Variants in TTLL4 observed in about 807,000 individuals in gnomAD.
TTLL4 encodes the protein tubulin monoglutamylase TTLL4.
Under a neutral mutation model 122.7 loss-of-function variants are expected in TTLL4, and 85 were observed. The ratio of observed to expected loss-of-function variants is 0.69; its 90% CI spans 0.58 to 0.83. The LOEUF (loss-of-function observed/expected upper bound fraction) is 0.83. TTLL4 is among the 40% of genes least tolerant of loss of function. The pLI is 0.00. For synonymous variants in TTLL4, 553 were observed against 563.0 expected, an observed-to-expected ratio of 0.98 and a Z score of 0.25; for missense variants, 1,363 against 1,488.6, an observed-to-expected ratio of 0.92 and a Z score of 1.39.
chr2:218,730,632 A>G (rs1366619402), intron 2 of TTLL4, among the ~76,000 whole-genome samples: 3 of 152,230 alleles, frequency 2.0e-5, no homozygotes, highest in Non-Finnish European at 2.9e-5. Context: ...TGTTAGCTGT[A>G]TCTATGGTCT....
intron 2 of TTLL4, among the ~76,000 whole-genome samples, chr2:218,729,273 T>C (rs1242818693): frequency 2.0e-5 from 3 of 152,106 alleles, no homozygotes; most frequent in Non-Finnish European, 4.4e-5. Context: ...ACTTTAGAAA[T>C]TGTGAGTTGG....
At chr2:218,756,130 G>T (rs1943146939), downstream of TTLL4, among the ~76,000 whole-genome samples, 1 of 152,198 alleles carries the variant, frequency 6.6e-6, no homozygotes, top group African/African-American at 2.4e-5. Flanking sequence ...CTTCCTAAGA[G>T]AAAATGAGCT....
chr2:218,747,700 G>A lies in TTLL4; in HGVS notation c.2353G>A (p.Gly785Arg). ...DPLRIYLFSD[G>R]LVRFASCKYS... ...TCTGCGGATTTACCTCTTTTCAGATGGACTGGTCCGCTTTGCCAGTTGCAA... is the reference window on the plus strand; with the variant it reads ...TCTGCGGATTTACCTCTTTTCAGATAGACTGGTCCGCTTTGCCAGTTGCAA... Residue 785 changes from glycine to arginine, a missense_variant, in exon 11 of 20, where the codon GGA becomes AGA. This residue lies in a region of TTLL4 where 596 missense variants were observed against 655.8 expected (regional missense o/e 0.91). Coordinates refer to ENST00000392102, the MANE Select transcript of TTLL4 (RefSeq NM_014640.5). The surrounding 1 kb of genome is among the most constrained non-coding windows in gnomAD (Gnocchi z 4.7). The A allele has an allele frequency of 1.7e-5, 27 of 1,614,178 alleles. No individual in the cohort carries two copies. The highest frequency in any genetic ancestry group is 2.3e-5 in the Non-Finnish European group (27 of 1,180,046).
Position 218,738,647 on chromosome 2 carries a change from G to T in TTLL4, c.971G>T (p.Ser324Ile). 2 of 1,614,216 alleles carry T rather than the reference G, an allele frequency of 1.2e-6. No homozygotes were observed. Among genetic ancestry groups the T allele is most frequent in the African/African-American group, 1.3e-5 (1 of 75,044 alleles). The change falls in exon 3 of 20, where the codon AGC becomes ATC. Residue 324 changes from serine to isoleucine, a missense_variant. By Grantham distance (142) the Ser-to-Ile change is moderately radical (BLOSUM62 -2). This residue lies in a region of TTLL4 where 760 missense variants were observed against 808.4 expected (regional missense o/e 0.94). Coordinates refer to ENST00000392102, the MANE Select transcript of TTLL4 (RefSeq NM_014640.5). The stretch of plus-strand genomic sequence containing the variant: ...CCACTTTCCTGTGCTCTGGATGACA[G>T]CTCTGATTCCCAGGATCCAACTAAG... ...AEPLSCALDD[S>I]SDSQDPTKEI...
intron 2 of TTLL4, among the ~76,000 whole-genome samples, chr2:218,730,823 T>G (rs1488336678): frequency 6.7e-6 from 1 of 150,354 alleles, no homozygotes; most frequent in Non-Finnish European, 1.5e-5. Context: ...TGCACCACCA[T>G]GCCGGGTGTG....
intron 8 of TTLL4, chr2:218,746,592 G>A (rs1942849554): frequency 5.4e-6 from 2 of 369,852 alleles, no homozygotes; most frequent in Non-Finnish European, 1.0e-5. Context: ...TGTTTATTAT[G>A]TTTCCCTATG....
chr2:218,755,597 G>A (rs1943136271), downstream of TTLL4, among the ~76,000 whole-genome samples: 1 of 152,138 alleles, frequency 6.6e-6, no homozygotes, highest in Non-Finnish European at 1.5e-5. Context: ...GCACTTAGTG[G>A]TTGCTGCTTG....
rs930251823 is a variant in TTLL4, at chr2:218,742,856, C to T, written c.1662-2253C>T. Among the ~76,000 whole-genome samples the T allele has an allele frequency of 4.6e-5, 7 of 152,142 alleles. No individual in the cohort carries two copies. The East Asian group carries it at 9.6e-4, about 21-fold the overall frequency. ...TAGAACATCTTGCCGGGTGCAGTAGCTCACGCCTGTAACCCCAGCACTTTG... is the reference window on the plus strand; with the variant it reads ...TAGAACATCTTGCCGGGTGCAGTAGTTCACGCCTGTAACCCCAGCACTTTG... On this transcript the variant is annotated intron_variant, in intron 5 of 19. Transcript: ENST00000392102.
Position 218,748,236 on chromosome 2 carries a change from G to T in TTLL4, c.2501+9G>T. The T allele has an allele frequency of 6.2e-7, 1 of 1,613,974 alleles. No individual in the cohort carries two copies. The highest frequency in any genetic ancestry group is 8.5e-7 in the Non-Finnish European group (1 of 1,179,966). ...TGCCAGGGCCACAAATGGTACTGAG[G>T]GCAGAGTGTCCCAGTCCAGTGAAGG... is the stretch of plus-strand genomic sequence containing the variant. On this transcript the variant is annotated intron_variant, in intron 12 of 19. Transcript: ENST00000392102.
At chr2:218,718,482 G>A (rs769800516) in intron 1 of TTLL4, among the ~76,000 whole-genome samples, 4 of 151,698 alleles carry the variant, frequency 2.6e-5, no homozygotes, top group Non-Finnish European at 5.9e-5. Flanking sequence ...AGGTTCAAGC[G>A]ATTCTCCTGC....
At chr2:218,746,779 A>G in intron 8 of TTLL4, 4 of 565,862 alleles carry the variant, frequency 7.1e-6, no homozygotes, top group Non-Finnish European at 1.2e-5. Flanking sequence ...ACTTAAGGTG[A>G]ATATCACATC....
Position 218,747,981 on chromosome 2 carries a change from C to T in TTLL4, c.2379-124C>T, listed in dbSNP as rs1575181189. 4.4e-6 allele frequency: 6 copies of T among 1,362,498 alleles called. No individual in the cohort carries two copies. The East Asian group carries it at 1.4e-4, about 31-fold the overall frequency. 84.4% of individuals were successfully genotyped at this position (1,362,498 alleles called of 1,614,324 possible). A position where few individuals can be genotyped will look rare whatever the true frequency, so the allele number is the denominator to read the frequency against. Reference sequence around the variant, plus strand: ...TGCCAGTAGACACACTTCTCAGGCTCTTGTGGCTATGAAAAGATCTGTGTA... The same window carrying T: ...TGCCAGTAGACACACTTCTCAGGCTTTTGTGGCTATGAAAAGATCTGTGTA... On this transcript the variant is annotated intron_variant, in intron 11 of 19. Coordinates refer to ENST00000392102, the MANE Select transcript of TTLL4 (RefSeq NM_014640.5). This position sits in a 1 kb window ranked among gnomAD's most constrained non-coding sequence, Gnocchi z 4.7.
intron 1 of TTLL4, among the ~76,000 whole-genome samples, chr2:218,724,931 A>T (rs1326339361): frequency 1.3e-5 from 2 of 151,836 alleles, no homozygotes; most frequent in African/African-American, 4.8e-5. Context: ...ACAGGGTTTC[A>T]CTCTGTCATC....
chr2:218,722,693 TAA>T lies in TTLL4; in HGVS notation c.-177-4572_-177-4571del, dbSNP rs541921711. On this transcript the variant is annotated intron_variant, in intron 1 of 19. Coordinates refer to ENST00000392102, the MANE Select transcript of TTLL4 (RefSeq NM_014640.5). ...CATCAGATGATCTTAAGCTGTGTTT[TAA>T]AAAGAGTACTGTGTTTTGAAAAAGT... Among the ~76,000 whole-genome samples the T allele has an allele frequency of 6.8e-4, 104 of 152,310 alleles. 1 individual carries two copies. The highest frequency in any genetic ancestry group is 2.4e-3 in the African/African-American group (101 of 41,566).
At chr2:218,742,238 G>C (rs1431625597) in intron 5 of TTLL4, among the ~76,000 whole-genome samples, 1 of 152,170 alleles carries the variant, frequency 6.6e-6, no homozygotes, top group African/African-American at 2.4e-5. Flanking sequence ...CCAAAGCACT[G>C]AGATTAGTGG....
rs1303780934 is a variant in TTLL4 at position 218,755,403 on chromosome 2, GACTATTCAATAA to G, written c.*1016_*1027del. The stretch of plus-strand genomic sequence containing the variant: ...CCCTCCTCTAGACTCAGTAAACAGT[GACTATTCAATAA>G]ATGTTGACTGAGTGAACTGTATTTA... On this transcript the variant is annotated 3_prime_UTR_variant, in exon 20 of 20. Coordinates refer to ENST00000392102, the MANE Select transcript of TTLL4 (RefSeq NM_014640.5). 6.6e-6 allele frequency: 1 copy of G among 152,156 alleles called. No individual in the cohort carries two copies. Among genetic ancestry groups the G allele is most frequent in the African/African-American group, 2.4e-5 (1 of 41,406 alleles). The allele number at this position is 152,156 out of a possible 1,614,324, so 9.4% of individuals were successfully genotyped here.
intron 3 of TTLL4, among the ~76,000 whole-genome samples, chr2:218,739,375 T>C (rs1396722520): frequency 6.6e-6 from 1 of 152,258 alleles, no homozygotes; most frequent in African/African-American, 2.4e-5. Flanking sequence ...TTTGTTGGAA[T>C]GCAGCCTTGT....
intron 2 of TTLL4, among the ~76,000 whole-genome samples, chr2:218,730,055 T>C (rs1424699872): frequency 2.0e-5 from 3 of 152,152 alleles, no homozygotes; most frequent in African/African-American, 4.8e-5. Flanking sequence ...GGATTTTCTA[T>C]GTACAAGATC....
intron 16 of TTLL4, 94 bp from the exon 17 acceptor site, chr2:218,752,669 C>T (rs557131533): frequency 1.5e-6 from 2 of 1,371,968 alleles, no homozygotes; most frequent in Non-Finnish European, 2.1e-6. Flanking sequence ...CTGTAGGACC[C>T]CAGGGGTGTG....
Sources: gnomAD v4.1 joint callset for allele counts (sites outside exome capture counted in the v4.1 genomes callset) on GRCh38, gnomAD v4.1.1 for gene constraint, gnomAD v4.1.1 regional missense constraint, Gnocchi (gnomAD v3.1) non-coding constraint, MANE v1.5 for transcripts, NCBI Gene and HGNC (gene_info 2026-07-23, HGNC 2026-07-21) for gene names.